The following PCDH9 variants were observed in gnomAD, a reference collection of about 807,000 sequenced individuals.
PCDH9 encodes protocadherin 9, also known as protocadherin-9.
Under a neutral mutation model 70.6 loss-of-function variants are expected in PCDH9, and 24 were observed. That is an observed-to-expected ratio of 0.34 (90% CI 0.25 to 0.48). PCDH9 has a LOEUF of 0.48. PCDH9 is among the 20% of genes least tolerant of loss of function. The pLI, the probability that PCDH9 is intolerant of heterozygous loss-of-function variation, is 0.99. For synonymous variants in PCDH9, 562 were observed against 558.5 expected (o/e 1.01, Z -0.09); for missense variants, 1,281 against 1,503.6 (o/e 0.85, Z 2.45).
intron 4 of PCDH9, among the ~76,000 whole-genome samples, chr13:66,621,312 A>G (rs1331554036): frequency 6.6e-6 from 1 of 152,212 alleles, no homozygotes; most frequent in Non-Finnish European, 1.5e-5. Flanking sequence ...CCTTGAAGAA[A>G]TAAGTAGTAA....
intron 4 of PCDH9, among the ~76,000 whole-genome samples, chr13:66,520,413 G>A (rs1206585796): frequency 6.6e-6 from 1 of 152,182 alleles, no homozygotes; most frequent in Non-Finnish European, 1.5e-5. Context: ...CTGTGAGTGA[G>A]ATAAGATTGG....
At chr13:66,950,077 C>A (rs1165441163) in intron 2 of PCDH9, among the ~76,000 whole-genome samples, 1 of 151,878 alleles carries the variant, frequency 6.6e-6, no homozygotes, top group Non-Finnish European at 1.5e-5. Context: ...AAAAATAATA[C>A]CGCTTATCAA....
chr13:66,411,941 G>A (rs1390895295), intron 4 of PCDH9, among the ~76,000 whole-genome samples: 3 of 152,088 alleles, frequency 2.0e-5, no homozygotes, highest in Non-Finnish European at 4.4e-5. Flanking sequence ...CTGTTTTCAA[G>A]CCACTCAAAA....
intron 4 of PCDH9, among the ~76,000 whole-genome samples, chr13:66,408,353 C>G (rs1957317860): frequency 6.6e-6 from 1 of 152,222 alleles, no homozygotes; most frequent in Admixed American, 6.5e-5. Flanking sequence ...GAGGAATTGT[C>G]TCCATTCCCA....
At position 66,628,648 on chromosome 13, in the gene PCDH9, G is replaced by A. The variant is rs149617618; in HGVS notation, c.3340+2562C>T. Reference sequence around the variant, plus strand: ...CCCCAGTAACTGGGACTACAAGCATGTGCTTCCATGCCAAGCTGTAATACA... The same window carrying A: ...CCCCAGTAACTGGGACTACAAGCATATGCTTCCATGCCAAGCTGTAATACA... On this transcript the variant is annotated intron_variant, in intron 4 of 4. Coordinates refer to ENST00000377865, the MANE Select transcript of PCDH9 (RefSeq NM_203487.3). Among the ~76,000 whole-genome samples, 637 of 152,272 alleles carry A rather than the reference G, an allele frequency of 4.2e-3. 20 individuals carry two copies. The East Asian group carries it at 0.081, about 19-fold the overall frequency.
chr13:66,529,879 TAA>T (rs35230234), intron 4 of PCDH9, among the ~76,000 whole-genome samples: 3 of 143,914 alleles, frequency 2.1e-5, no homozygotes, highest in African/African-American at 5.1e-5. Flanking sequence ...ACCATGCTGT[TAA>T]AAAAAAAAAA....
chr13:67,117,825 A>G (rs1390927031), intron 2 of PCDH9, among the ~76,000 whole-genome samples: 2 of 152,172 alleles, frequency 1.3e-5, no homozygotes, highest in Non-Finnish European at 2.9e-5. Context: ...TCATATCTCA[A>G]ATATAACTGA....
intron 3 of PCDH9, among the ~76,000 whole-genome samples, chr13:66,804,733 G>A (rs1002928157): frequency 6.6e-6 from 1 of 152,108 alleles, no homozygotes; most frequent in African/African-American, 2.4e-5. Flanking sequence ...CAAATTTTGG[G>A]ATATAAATGA....
chr13:67,080,699 ATTGT>A (rs1165224427), intron 2 of PCDH9, among the ~76,000 whole-genome samples: 1 of 152,252 alleles, frequency 6.6e-6, no homozygotes, highest in Non-Finnish European at 1.5e-5. Context: ...ATTAAAGCAC[ATTGT>A]TTGTATTCAG....
intron 4 of PCDH9, among the ~76,000 whole-genome samples, chr13:66,356,979 G>C (rs1956394066): frequency 1.3e-5 from 2 of 151,962 alleles, no homozygotes; most frequent in African/African-American, 4.8e-5. Context: ...GCACTTTAAA[G>C]CCCGCCTTTC....
chr13:67,056,573 A>G lies in PCDH9; in HGVS notation c.3037-152968T>C, dbSNP rs570592550. ...TGAGAGACAACAAAATGTAAACTGA[A>G]GGGCCCATGTTCTGAAGTTATAACC... On this transcript the variant is annotated intron_variant, in intron 2 of 4. Transcript: ENST00000377865. Among the ~76,000 whole-genome samples the G allele has an allele frequency of 2.0e-5, 3 of 152,260 alleles. No homozygotes were observed. The East Asian group carries it at 5.8e-4, about 29-fold the overall frequency.
At chr13:66,686,671 A>G (rs768865552) in intron 3 of PCDH9, among the ~76,000 whole-genome samples, 2 of 152,126 alleles carry the variant, frequency 1.3e-5, no homozygotes, top group Non-Finnish European at 2.9e-5. Context: ...ACCATTTTTT[A>G]CTTCCTACCA....
At chr13:66,414,100 G>GA (rs200405041) in intron 4 of PCDH9, among the ~76,000 whole-genome samples, 2,051 of 151,582 alleles carry the variant, frequency 0.014, 26 homozygotes, top group East Asian at 0.078. Flanking sequence ...GACTACACTG[G>GA]AAAAAAAATC....
chr13:66,542,312 G>A (rs1342784716), intron 4 of PCDH9, among the ~76,000 whole-genome samples: 2 of 151,988 alleles, frequency 1.3e-5, no homozygotes, highest in Non-Finnish European at 2.9e-5. Context: ...GACTTGACTA[G>A]GCTATAGCAC....
rs1298391594 is a variant in PCDH9 at position 67,145,974 on chromosome 13, C to T, written c.3036+79431G>A. Among the ~76,000 whole-genome samples the T allele has an allele frequency of 2.6e-5, 4 of 152,064 alleles. No individual in the cohort carries two copies. The South Asian group carries it at 6.2e-4, about 24-fold the overall frequency. On this transcript the variant is annotated intron_variant, in intron 2 of 4. Coordinates refer to ENST00000377865, the MANE Select transcript of PCDH9 (RefSeq NM_203487.3). ...TCTTAATATCTATAATCAGAAAGTC[C>T]TTTTCTCAACTTGCAAGGCAATAAG...
chr13:67,168,319 G>T (rs999945651), intron 2 of PCDH9, among the ~76,000 whole-genome samples: 2 of 152,122 alleles, frequency 1.3e-5, no homozygotes, highest in African/African-American at 4.8e-5. Context: ...GATTCTGAGG[G>T]CTGATACAGA....
chr13:66,730,864 T>TGTG (rs201148717), intron 3 of PCDH9, among the ~76,000 whole-genome samples: 38,708 of 119,274 alleles, frequency 0.32, 8,269 homozygotes, highest in South Asian at 0.56. Context: ...TTTTGTTTTT[T>TGTG]TGTGTGTGTG....
chr13:67,026,102 T>A (rs576471811), intron 2 of PCDH9, among the ~76,000 whole-genome samples: 2 of 152,282 alleles, frequency 1.3e-5, no homozygotes, highest in Non-Finnish European at 2.9e-5. Flanking sequence ...ATTGAGATAA[T>A]CATGTGGTTT....
At chr13:66,973,342 A>G (rs2083558216) in intron 2 of PCDH9, among the ~76,000 whole-genome samples, 1 of 151,948 alleles carries the variant, frequency 6.6e-6, no homozygotes, top group Admixed American at 6.6e-5. Context: ...TTCTAGTAAC[A>G]TAAGTTGATA....
Sources: gnomAD v4.1 joint callset for allele counts (sites outside exome capture counted in the v4.1 genomes callset) on GRCh38, gnomAD v4.1.1 for gene constraint, MANE v1.5 for transcripts, NCBI Gene and HGNC (gene_info 2026-07-23, HGNC 2026-07-21) for gene names.